The following ZNF329 variants were observed in gnomAD, a reference collection of about 807,000 sequenced individuals.
ZNF329 encodes zinc finger protein 329.
A neutral mutation model predicts 26.6 loss-of-function variants in ZNF329; 15 were observed. The ratio of observed to expected loss-of-function variants is 0.56; its 90% CI spans 0.38 to 0.87. The LOEUF is 0.87. Ranked by LOEUF, ZNF329 falls within the 40% of genes least tolerant of loss-of-function variation. The probability of loss-of-function intolerance (pLI) is 0.00; values close to 1 mark genes in which losing one functional copy is unlikely to be tolerated. For missense variants in ZNF329, 651 were observed against 651.9 expected, an observed-to-expected ratio of 1.00 and a Z score of 0.02; for synonymous variants, 239 against 233.5, an observed-to-expected ratio of 1.02 and a Z score of -0.21.
intron 3 of ZNF329, among the ~76,000 whole-genome samples, chr19:58,131,709 G>A (rs558793851): frequency 2.6e-5 from 4 of 152,140 alleles, no homozygotes; most frequent in Admixed American, 1.3e-4. Flanking sequence ...AGAGCACTTC[G>A]TGAAGGGAAA....
At position 58,129,018 on chromosome 19, in the gene ZNF329, A is replaced by T; in HGVS notation, c.486T>A (p.Leu162=). 1 of 1,613,678 alleles carries T rather than the reference A, an allele frequency of 6.2e-7. No homozygotes were observed. Among genetic ancestry groups the T allele is most frequent in the South Asian group, 1.1e-5 (1 of 91,074 alleles). Reference sequence around the variant, plus strand: ...CTCTTTTCATTATTTTCTGATGACCAAGAGAGGTAAAATGATTAAAAGACT... The same window carrying T: ...CTCTTTTCATTATTTTCTGATGACCTAGAGAGGTAAAATGATTAAAAGACT... ...SVKSFNHFTS[L]GHQKIMKRGK... is the part of the protein sequence containing the mutation. Residue 162 remains leucine (L), a synonymous_variant, in exon 4 of 4, where the codon CTT becomes CTA. Transcript: ENST00000598312.
Position 58,127,935 on chromosome 19 carries a change from G to T in ZNF329, c.1569C>A (p.Ser523Arg). 1.9e-6 allele frequency: 3 copies of T among 1,612,966 alleles called. No homozygotes were observed. The highest frequency in any genetic ancestry group is 2.5e-6 in the Non-Finnish European group (3 of 1,179,438). Residue 523 changes from serine to arginine, a missense_variant, in exon 4 of 4, where the codon AGC (serine) becomes AGA (arginine). By Grantham distance (110) the Ser-to-Arg change is moderately radical (BLOSUM62 -1). Coordinates refer to ENST00000598312, the MANE Select transcript of ZNF329 (RefSeq NM_024620.4). ...CTCTTTGATGTCGAACAAGGGATGA[G>T]CTCTTTTGGAACATTTTTCCACACT... is the stretch of plus-strand genomic sequence containing the variant. Reference protein sequence around the residue: ...CPQCGKMFQKSSSLVRHQRAH... With the variant: ...CPQCGKMFQKRSSLVRHQRAH...
At chr19:58,129,806 A>G (rs2074896773) in intron 3 of ZNF329, among the ~76,000 whole-genome samples, 1 of 152,208 alleles carries the variant, frequency 6.6e-6, no homozygotes, top group African/African-American at 2.4e-5. Context: ...GAGGCCAAGC[A>G]TCCCTGCTCC....
At chr19:58,131,839 C>T (rs564359434) in intron 3 of ZNF329, among the ~76,000 whole-genome samples, 30 of 152,030 alleles carry the variant, frequency 2.0e-4, no homozygotes, top group East Asian at 7.8e-4. Flanking sequence ...CTGGCTGACA[C>T]GGTGAAACCC....
chr19:58,128,268 C>G lies in ZNF329; in HGVS notation c.1236G>C (p.Ala412=), dbSNP rs77572421. ...GAATCCTCTGATGCCTGATGAGGTA[C>G]GCACTCTCGATGAAAGTCTTGCCAC... The part of the protein sequence containing the change: ...KECGKTFIES[A]YLIRHQRIHT... The change falls in exon 4 of 4, where the codon GCG becomes GCC. Residue 412 remains alanine, a synonymous_variant. Coordinates refer to ENST00000598312, the MANE Select transcript of ZNF329 (RefSeq NM_024620.4). The G allele has an allele frequency of 6.7e-5, 107 of 1,607,418 alleles. No homozygotes were observed. Among genetic ancestry groups the G allele is most frequent in the Admixed American group, 3.2e-4 (19 of 59,610 alleles).
chr19:58,130,269 G>C (rs543008608), intron 3 of ZNF329, among the ~76,000 whole-genome samples: 2 of 151,896 alleles, frequency 1.3e-5, no homozygotes, highest in African/African-American at 4.8e-5. Flanking sequence ...GTTGCAGTGA[G>C]CTGAGATCAC....
At chr19:58,131,565 AT>A (rs2074944403) in intron 3 of ZNF329, among the ~76,000 whole-genome samples, 1 of 152,234 alleles carries the variant, frequency 6.6e-6, no homozygotes, top group Non-Finnish European at 1.5e-5. Flanking sequence ...ACAAAGAATT[AT>A]TGCCCAAGAG....
rs995138466 is a variant in ZNF329 at position 58,129,353 on chromosome 19, C to G, written c.151G>C (p.Ala51Pro). The G allele has an allele frequency of 6.2e-7, 1 of 1,614,234 alleles. No homozygotes were observed. Among genetic ancestry groups the G allele is most frequent in the Non-Finnish European group, 8.5e-7 (1 of 1,180,044 alleles). Residue 51 changes from alanine (A) to proline (P), a missense_variant, in exon 4 of 4, where the codon GCT (alanine) becomes CCT (proline). Transcript: ENST00000598312. ...GTCCCTGGTTTCTCCAGAGTTAAAG[C>G]TGATTGCCTCAAGTGTCCCTCCTGG... is the stretch of plus-strand genomic sequence containing the variant. ...ENQEGHLRQS[A>P]LTLEKPGTQE...
At chr19:58,146,199 C>T (rs1410176581) in intron 1 of ZNF329, among the ~76,000 whole-genome samples, 2 of 152,084 alleles carry the variant, frequency 1.3e-5, no homozygotes, top group Non-Finnish European at 1.5e-5. Flanking sequence ...TGGGGCCAGG[C>T]GCAGTGGCTC....
chr19:58,140,311 T>A (rs1411209629), intron 3 of ZNF329, among the ~76,000 whole-genome samples: 3 of 152,158 alleles, frequency 2.0e-5, no homozygotes, highest in Admixed American at 1.3e-4. Flanking sequence ...TACCAGTAAA[T>A]TTAGAGTACA....
intron 3 of ZNF329, among the ~76,000 whole-genome samples, chr19:58,131,947 C>T (rs1415337996): frequency 2.0e-5 from 3 of 150,158 alleles, no homozygotes; most frequent in East Asian, 2.0e-4. Context: ...GGCATGAACC[C>T]GGGAGGCAGA....
chr19:58,147,202 G>A (rs1453636413), intron 1 of ZNF329, among the ~76,000 whole-genome samples: 35 of 124,936 alleles, frequency 2.8e-4, no homozygotes, highest in Non-Finnish European at 4.2e-4. Context: ...GCCCGGCCGC[G>A]ACCCCGTCTG....
intron 1 of ZNF329, among the ~76,000 whole-genome samples, chr19:58,146,460 T>G (rs887369749): frequency 6.6e-6 from 1 of 151,242 alleles, no homozygotes; most frequent in African/African-American, 2.4e-5. Context: ...GGTGACGGAG[T>G]AAGATTCCAT....
upstream of ZNF329, among the ~76,000 whole-genome samples, chr19:58,151,335 G>A (rs2146147643): frequency 6.6e-6 from 1 of 152,292 alleles, no homozygotes; most frequent in African/African-American, 2.4e-5. Context: ...ACTGTGGTAT[G>A]TGCAACGGAG....
Position 58,126,435 on chromosome 19 carries a change from T to C in ZNF329, c.*1443A>G, listed in dbSNP as rs954781793. ...GGCTGGAATAATAGTAAATCTTCTA[T>C]TTGATGCCCCTTTTTGCCATATTAT... On this transcript the variant is annotated 3_prime_UTR_variant, in exon 4 of 4. Coordinates refer to ENST00000598312, the MANE Select transcript of ZNF329 (RefSeq NM_024620.4). 1.3e-5 allele frequency: 2 copies of C among 152,214 alleles called. No individual in the cohort carries two copies. The highest frequency in any genetic ancestry group is 4.8e-5 in the African/African-American group (2 of 41,450). The allele number at this position is 152,214 out of a possible 1,614,324, so 9.4% of individuals were successfully genotyped here.
At chr19:58,138,041 CAG>C (rs1003367487) in intron 3 of ZNF329, among the ~76,000 whole-genome samples, 6 of 152,094 alleles carry the variant, frequency 3.9e-5, no homozygotes, top group East Asian at 3.9e-4. Flanking sequence ...AATTGTCAGA[CAG>C]GGGTTTAACT....
At chr19:58,132,899 G>A (rs1026759959) in intron 3 of ZNF329, among the ~76,000 whole-genome samples, 12 of 151,634 alleles carry the variant, frequency 7.9e-5, no homozygotes, top group Non-Finnish European at 1.5e-4. Context: ...AGCAAGCTCC[G>A]CCTCCCAGGT....
At position 58,127,921 on chromosome 19, in the gene ZNF329, C is replaced by A; in HGVS notation, c.1583G>T (p.Arg528Leu). ...CTCTCCCAGGTGTGCTCTTTGATGT[C>A]GAACAAGGGATGAGCTCTTTTGGAA... Reference protein sequence around the residue: ...KMFQKSSSLVRHQRAHLGEQP... With the variant: ...KMFQKSSSLVLHQRAHLGEQP... Residue 528 changes from arginine to leucine, a missense_variant, in exon 4 of 4, where the codon CGA becomes CTA. Physicochemically the swap from Arg to Leu is moderately radical, Grantham distance 102 (BLOSUM62 -2). Transcript: ENST00000598312. The A allele has an allele frequency of 6.2e-7, 1 of 1,609,312 alleles. No homozygotes were observed. Among genetic ancestry groups the A allele is most frequent in the Non-Finnish European group, 8.5e-7 (1 of 1,177,636 alleles).
chr19:58,139,790 T>C (rs1367951424), intron 3 of ZNF329, among the ~76,000 whole-genome samples: 1 of 152,094 alleles, frequency 6.6e-6, no homozygotes, highest in Admixed American at 6.6e-5. Flanking sequence ...ATCAATATCA[T>C]TAGGTATTCG....
Sources: allele counts gnomAD v4.1 joint callset (sites outside exome capture counted in the v4.1 genomes callset), GRCh38; gene constraint gnomAD v4.1.1; transcripts MANE v1.5; gene names NCBI Gene and HGNC (gene_info 2026-07-23, HGNC 2026-07-21).